The following OSBPL10 variants were observed in gnomAD, a reference collection of about 807,000 sequenced individuals.
OSBPL10 encodes oxysterol-binding protein-related protein 10.
Under a neutral mutation model 81.7 loss-of-function variants are expected in OSBPL10, and 49 were observed. The ratio of observed to expected loss-of-function variants is 0.60; its 90% CI spans 0.48 to 0.76. The LOEUF is 0.76. Among genes scored for constraint, OSBPL10 ranks in the 30% least tolerant of loss-of-function variants. The pLI is 0.00. For synonymous variants in OSBPL10, 419 were observed against 383.6 expected, an observed-to-expected ratio of 1.09 and a Z score of -1.08; for missense variants, 923 against 987.8, an observed-to-expected ratio of 0.93 and a Z score of 0.88.
intron 1 of OSBPL10, among the ~76,000 whole-genome samples, chr3:31,967,955 A>C (rs1428874587): frequency 2.0e-5 from 3 of 152,182 alleles, no homozygotes; most frequent in African/African-American, 7.2e-5. Flanking sequence ...GCACACCCCA[A>C]GGTTTTTGTT....
At chr3:31,915,539 T>G (rs1047507781) in intron 1 of OSBPL10, among the ~76,000 whole-genome samples, 1 of 152,202 alleles carries the variant, frequency 6.6e-6, no homozygotes, top group Non-Finnish European at 1.5e-5. Context: ...TTCTCACTTA[T>G]ATGTGTAAGC....
At chr3:31,818,627 C>T (rs1699907643) in intron 4 of OSBPL10, among the ~76,000 whole-genome samples, 2 of 152,134 alleles carry the variant, frequency 1.3e-5, no homozygotes, top group South Asian at 2.1e-4. Context: ...CTCCACTAAC[C>T]GCTTCTCCAG....
chr3:31,808,014 A>G (rs1411706937), intron 4 of OSBPL10, among the ~76,000 whole-genome samples: 1 of 152,226 alleles, frequency 6.6e-6, no homozygotes, highest in Non-Finnish European at 1.5e-5. Context: ...AAAGAGTGAT[A>G]TAACATGAAG....
chr3:31,815,353 G>A (rs745820549), intron 4 of OSBPL10, among the ~76,000 whole-genome samples: 3 of 152,230 alleles, frequency 2.0e-5, no homozygotes, highest in Non-Finnish European at 4.4e-5. Flanking sequence ...GTTTTCAGCT[G>A]TTGAGTTTGG....
chr3:31,703,239 T>C (rs928435594), intron 6 of OSBPL10, among the ~76,000 whole-genome samples: 1 of 152,216 alleles, frequency 6.6e-6, no homozygotes, highest in Non-Finnish European at 1.5e-5. Flanking sequence ...CATAAAATTT[T>C]CCAGTATCCA....
chr3:31,900,341 T>TA (rs1289604073), intron 1 of OSBPL10, among the ~76,000 whole-genome samples: 3 of 152,152 alleles, frequency 2.0e-5, no homozygotes, highest in Non-Finnish European at 4.4e-5. Flanking sequence ...ATGAAACTTT[T>TA]AAAAAACAAA....
intron 2 of OSBPL10, among the ~76,000 whole-genome samples, chr3:32,011,243 C>T (rs1034023106): frequency 1.3e-5 from 2 of 152,226 alleles, no homozygotes; most frequent in Admixed American, 6.5e-5. Flanking sequence ...TGAGACAAAA[C>T]TTCCAGAGGA....
intron 1 of OSBPL10, among the ~76,000 whole-genome samples, chr3:31,938,502 T>A (rs767520828): frequency 6.6e-6 from 1 of 152,072 alleles, no homozygotes; most frequent in Non-Finnish European, 1.5e-5. Context: ...GAAGTTTTTG[T>A]GGGGTTTTTT....
At chr3:32,010,212 G>T (rs1259538687) in intron 2 of OSBPL10, among the ~76,000 whole-genome samples, 2 of 152,078 alleles carry the variant, frequency 1.3e-5, no homozygotes, top group African/African-American at 4.8e-5. Flanking sequence ...AACGCATAGT[G>T]GGGCCAGAGC....
chr3:31,785,111 C>T (rs1376150461), intron 4 of OSBPL10, among the ~76,000 whole-genome samples: 1 of 152,180 alleles, frequency 6.6e-6, no homozygotes, highest in Admixed American at 6.5e-5. Flanking sequence ...TCTTGAACTT[C>T]CGGCCTCAAG....
intron 2 of OSBPL10, among the ~76,000 whole-genome samples, chr3:32,014,779 A>C (rs935464318): frequency 1.3e-5 from 2 of 152,238 alleles, no homozygotes; most frequent in African/African-American, 4.8e-5. Context: ...TGTAAAAATC[A>C]CAAGCATTTT....
chr3:31,817,564 C>CCGCACG (rs1228622767), intron 4 of OSBPL10, among the ~76,000 whole-genome samples: 8 of 152,044 alleles, frequency 5.3e-5, no homozygotes, highest in African/African-American at 1.4e-4. Context: ...GCACCCACAC[C>CCGCACG]CACACCCAGC....
At chr3:31,979,912 A>G (rs960282218) in intron 1 of OSBPL10, among the ~76,000 whole-genome samples, 2 of 152,122 alleles carry the variant, frequency 1.3e-5, no homozygotes, top group Non-Finnish European at 2.9e-5. Flanking sequence ...TGGGACCTGA[A>G]GAGGAAATAA....
chr3:31,770,770 G>A (rs1020533764), intron 4 of OSBPL10, among the ~76,000 whole-genome samples: 6 of 152,016 alleles, frequency 3.9e-5, no homozygotes, highest in Non-Finnish European at 2.9e-5. Context: ...TGGGCAACAA[G>A]GGCAAAACTC....
At chr3:31,678,246 C>T (rs1221846142) in intron 8 of OSBPL10, among the ~76,000 whole-genome samples, 2 of 152,158 alleles carry the variant, frequency 1.3e-5, no homozygotes, top group African/African-American at 2.4e-5. Context: ...GACGGTGTGG[C>T]TTAAGTGAAA....
chr3:31,965,562 T>A (rs1165813936), intron 1 of OSBPL10, among the ~76,000 whole-genome samples: 7 of 79,482 alleles, frequency 8.8e-5, no homozygotes, highest in East Asian at 4.6e-4. Context: ...ATTATATAAA[T>A]TATATATTAT....
chr3:31,989,960 T>A (rs1183200443), intron 2 of OSBPL10: 1 of 1,613,620 alleles, frequency 6.2e-7, no homozygotes, highest in Non-Finnish European at 8.5e-7. Flanking sequence ...TGTGGCAAGG[T>A]TTTTAATCAA....
intron 1 of OSBPL10, among the ~76,000 whole-genome samples, chr3:32,057,115 C>T (rs1329585199): frequency 6.6e-6 from 1 of 152,214 alleles, no homozygotes; most frequent in Non-Finnish European, 1.5e-5. Flanking sequence ...GAAATCTTTG[C>T]TCATTTCCTG....
At chr3:31,783,107 TCTATTA>T (rs1698740658) in intron 4 of OSBPL10, among the ~76,000 whole-genome samples, 2 of 122,224 alleles carry the variant, frequency 1.6e-5, no homozygotes, top group Admixed American at 1.6e-4. Context: ...TATCAATATA[TCTATTA>T]TATATATATA....
Sources: gnomAD v4.1 joint callset for allele counts (sites outside exome capture counted in the v4.1 genomes callset) on GRCh38, gnomAD v4.1.1 for gene constraint, MANE v1.5 for transcripts, NCBI Gene and HGNC (gene_info 2026-07-23, HGNC 2026-07-21) for gene names.